Variants in PHC3 observed in about 807,000 individuals in gnomAD.
The protein encoded by PHC3 is polyhomeotic homolog 3, also known as polyhomeotic-like protein 3.
In PHC3, 13 loss-of-function variants were observed where a neutral mutation model predicts 107.4. The observed-to-expected ratio is 0.12, with a 90% CI of 0.08 to 0.19. The LOEUF is 0.19. Among genes scored for constraint, PHC3 ranks in the 10% least tolerant of loss-of-function variants. PHC3 has a pLI of 1.00. For missense variants in PHC3, 992 were observed against 1,210.9 expected (o/e 0.82, Z 2.68); for synonymous variants, 456 against 427.4 (o/e 1.07, Z -0.83).
At position 170,087,816 on chromosome 3, in the gene PHC3, T is replaced by C. The variant is rs534669133; in HGVS notation, c.*9414A>G. ...TAAGGTGCTTTAATTTAATAGTTAA[T>C]GTTGCCATCAACAAACATTTAAATG... On this transcript the variant is annotated 3_prime_UTR_variant, in exon 15 of 15. Coordinates refer to ENST00000495893, the MANE Select transcript of PHC3 (RefSeq NM_024947.4). 2.5e-4 allele frequency: 38 copies of C among 152,188 alleles called. No individual in the cohort carries two copies. The highest frequency in any genetic ancestry group is 4.6e-4 in the Non-Finnish European group (31 of 68,016). The allele number at this position is 152,188 out of a possible 1,614,324, so 9.4% of individuals were successfully genotyped here. A position where few individuals can be genotyped will look rare whatever the true frequency, so the allele number is the denominator to read the frequency against.
intron 1 of PHC3, among the ~76,000 whole-genome samples, chr3:170,181,261 G>A (rs1046775887): frequency 2.6e-5 from 4 of 152,176 alleles, no homozygotes; most frequent in Admixed American, 2.6e-4. Context: ...GCGCCGGGGC[G>A]GGAAGGAGAA....
intron 4 of PHC3, among the ~76,000 whole-genome samples, chr3:170,160,069 C>T (rs888633543): frequency 3.3e-5 from 5 of 152,198 alleles, no homozygotes; most frequent in African/African-American, 9.6e-5. Flanking sequence ...CCTCATTATA[C>T]TCTAAAACCT....
In PHC3 at chr3:170,091,532, C is replaced by T. The variant is rs1192604766; in HGVS notation, c.*5698G>A. ...ATCTTTAAGTAAAATTAAATGTCAA[C>T]AAACTATAAAAGGGAAAAAATAAAA... On this transcript the variant is annotated 3_prime_UTR_variant, in exon 15 of 15. Transcript: ENST00000495893. 6.6e-6 allele frequency: 1 copy of T among 152,046 alleles called. No individual in the cohort carries two copies. Among genetic ancestry groups the T allele is most frequent in the African/African-American group, 2.4e-5 (1 of 41,398 alleles). The allele number at this position is 152,046 out of a possible 1,614,324, so 9.4% of individuals were successfully genotyped here.
chr3:170,136,893 GA>G (rs1296806940), intron 6 of PHC3, among the ~76,000 whole-genome samples: 1 of 149,184 alleles, frequency 6.7e-6, no homozygotes, highest in Non-Finnish European at 1.5e-5. Flanking sequence ...TAAGAGAAAA[GA>G]AAAGAGGGAG....
chr3:170,157,978 A>C (rs954630509), intron 4 of PHC3, among the ~76,000 whole-genome samples: 3 of 152,030 alleles, frequency 2.0e-5, no homozygotes, highest in Non-Finnish European at 2.9e-5. Flanking sequence ...AAAATGGTAG[A>C]ACATTATATA....
chr3:170,152,778 A>G (rs1258007827), intron 4 of PHC3, among the ~76,000 whole-genome samples: 6 of 151,510 alleles, frequency 4.0e-5, no homozygotes, highest in Non-Finnish European at 1.5e-5. Context: ...CTTCCACCTC[A>G]GCCTCCTGAG....
intron 1 of PHC3, among the ~76,000 whole-genome samples, chr3:170,179,977 A>T (rs191268714): frequency 6.6e-6 from 1 of 152,312 alleles, no homozygotes; most frequent in Admixed American, 6.5e-5. Flanking sequence ...ACTGATAAAA[A>T]TGTAAGAACA....
intron 4 of PHC3, among the ~76,000 whole-genome samples, chr3:170,155,914 T>G (rs1726824616): frequency 1.3e-5 from 2 of 152,186 alleles, no homozygotes; most frequent in Non-Finnish European, 2.9e-5. Context: ...GATTACTTTT[T>G]TTAAAGTTTT....
At chr3:170,111,356 G>C (rs779721703) in intron 11 of PHC3, among the ~76,000 whole-genome samples, 15 of 146,002 alleles carry the variant, frequency 1.0e-4, no homozygotes, top group Admixed American at 3.5e-4. Context: ...GGAAAGGAAA[G>C]GGAAGGAAGG....
At chr3:170,170,266 A>G (rs1729382967) in intron 4 of PHC3, 1 of 151,778 alleles carries the variant, frequency 6.6e-6, no homozygotes, top group Non-Finnish European at 1.5e-5. Flanking sequence ...CCAGGAAAAA[A>G]TATCTAGAAA....
intron 14 of PHC3, 200 bp downstream of exon 14, chr3:170,102,279 G>T (rs1011173483): frequency 1.0e-6 from 1 of 985,236 alleles, no homozygotes; most frequent in Non-Finnish European, 1.2e-6. Flanking sequence ...TATCGACTTG[G>T]GGGGTATGAG....
rs1239872333 is a variant in PHC3 at position 170,089,762 on chromosome 3, C to T, written c.*7468G>A. ...TGAAGCCCCGTCTCTACTAAAAATA[C>T]AAAAATTAGCCAGGTGTGGCGGCGG... On this transcript the variant is annotated 3_prime_UTR_variant, in exon 15 of 15. Transcript: ENST00000495893. 3 of 151,734 alleles carry T rather than the reference C, an allele frequency of 2.0e-5. No individual in the cohort carries two copies. The highest frequency in any genetic ancestry group is 7.3e-5 in the African/African-American group (3 of 41,276). 9.4% of individuals were successfully genotyped at this position (151,734 alleles called of 1,614,324 possible). A position where few individuals can be genotyped will look rare whatever the true frequency, so the allele number is the denominator to read the frequency against.
Position 170,104,966 on chromosome 3 carries a change from G to A in PHC3, c.2468+1866C>T, listed in dbSNP as rs569407589. The stretch of plus-strand genomic sequence containing the variant: ...TGTCCCTAAATATTTAGCTTTCCAA[G>A]ACAGCTAGGCAGACATGTAAATGGC... On this transcript the variant is annotated intron_variant, in intron 12 of 14. Transcript: ENST00000495893. Among the ~76,000 whole-genome samples the A allele has an allele frequency of 4.6e-5, 7 of 152,232 alleles. No individual in the cohort carries two copies. The South Asian group carries it at 1.5e-3, about 32-fold the overall frequency.
chr3:170,098,471 T>C (rs989389675), intron 14 of PHC3, among the ~76,000 whole-genome samples: 1 of 152,200 alleles, frequency 6.6e-6, no homozygotes, highest in African/African-American at 2.4e-5. Flanking sequence ...GCTAGTTCAA[T>C]TATCCTTTCT....
At position 170,111,263 on chromosome 3, in the gene PHC3, AAGGAAGG is replaced by A. The variant is rs1560033035; in HGVS notation, c.2353+2090_2353+2096del. ...CTACGATTTTCTTTAAAACAAGAAG[AAGGAAGG>A]AAGGAAGGAAGGAAGGAAGGAAGGA... On this transcript the variant is annotated intron_variant, in intron 11 of 14. Transcript: ENST00000495893. 1.3e-3 allele frequency among the ~76,000 whole-genome samples: 32 copies of A among 25,404 alleles called. 1 individual carries two copies. Among genetic ancestry groups the A allele is most frequent in the East Asian group, 7.1e-3 (11 of 1,546 alleles). The allele number at this position is 25,404 out of a possible 152,430, so 16.7% of individuals were successfully genotyped here.
intron 8 of PHC3, 144 bp downstream of exon 8, chr3:170,128,535 TACAGC>T: frequency 8.6e-7 from 1 of 1,162,232 alleles, no homozygotes; most frequent in Non-Finnish European, 1.2e-6. Flanking sequence ...TTTTTGCCCA[TACAGC>T]ATGTTTGTCA....
Position 170,172,695 on chromosome 3 carries a change from C to T in PHC3, c.198G>A (p.Leu66=), listed in dbSNP as rs755403153. ...GAGCAGCTGAGCTGGGGGGCCGATGCAATGCCTGTTGAATTACCTGTGATA... is the reference window on the plus strand; with the variant it reads ...GAGCAGCTGAGCTGGGGGGCCGATGTAATGCCTGTTGAATTACCTGTGATA... ...RHAVQVIQQA[L]HRPPSSAAQY... is the part of the protein sequence containing the mutation. Residue 66 remains leucine (L), a synonymous_variant, in exon 3 of 15, where the codon TTG becomes TTA. Coordinates refer to ENST00000495893, the MANE Select transcript of PHC3 (RefSeq NM_024947.4). The T allele has an allele frequency of 6.2e-7, 1 of 1,606,824 alleles. No homozygotes were observed. The highest frequency in any genetic ancestry group is 8.5e-7 in the Non-Finnish European group (1 of 1,174,974).
intron 6 of PHC3, among the ~76,000 whole-genome samples, chr3:170,142,386 C>T (rs1288068515): frequency 6.6e-6 from 1 of 151,692 alleles, no homozygotes; most frequent in African/African-American, 2.4e-5. Context: ...TGAATTTGAC[C>T]AAAATCAATC....
intron 4 of PHC3, among the ~76,000 whole-genome samples, chr3:170,158,738 G>A (rs950549451): frequency 7.3e-5 from 11 of 150,998 alleles, no homozygotes; most frequent in Admixed American, 4.0e-4. Flanking sequence ...ACCAGCCTGG[G>A]CAACATGGCA....
Sources: allele counts gnomAD v4.1 joint callset (sites outside exome capture counted in the v4.1 genomes callset), GRCh38; gene constraint gnomAD v4.1.1; transcripts MANE v1.5; gene names NCBI Gene and HGNC (gene_info 2026-07-23, HGNC 2026-07-21).